The following ITIH6 variants were observed in gnomAD, a reference collection of about 807,000 sequenced individuals.
ITIH6 encodes inter-alpha-trypsin inhibitor heavy chain family member 6.
ITIH6 carries 60 observed loss-of-function variants against 58.2 expected under a neutral mutation model. The ratio of observed to expected loss-of-function variants is 1.03; its 90% CI spans 0.84 to 1.28. The LOEUF (loss-of-function observed/expected upper bound fraction) is 1.28, where lower values mean the gene tolerates loss of function less well. Among genes scored for constraint, ITIH6 ranks in the 50% most tolerant of loss-of-function variants. ITIH6 has a pLI of 0.00. For missense variants in ITIH6, 1,290 were observed against 1,021.1 expected, an observed-to-expected ratio of 1.26 and a Z score of -3.59; for synonymous variants, 493 against 417.4, an observed-to-expected ratio of 1.18 and a Z score of -2.21.
At chrX:54,789,860 T>C (rs1929311230) in intron 4 of ITIH6, among the ~76,000 whole-genome samples, 1 of 112,568 alleles carries the variant, frequency 8.9e-6, no homozygotes, top group Admixed American at 9.4e-5. Flanking sequence ...AGGAATTCTC[T>C]CAAAGTCTCA....
chrX:54,770,506 C>A (rs1028051489), intron 6 of ITIH6, among the ~76,000 whole-genome samples: 5 of 112,607 alleles, frequency 4.4e-5, no homozygotes, highest in African/African-American at 1.3e-4. Context: ...TTAGCATACG[C>A]ATTAGACTTA....
chrX:54,768,658 G>A (rs1211221106), intron 6 of ITIH6, among the ~76,000 whole-genome samples: 1 of 108,259 alleles, frequency 9.2e-6, no homozygotes, highest in African/African-American at 3.4e-5. Flanking sequence ...GGCTGGATAT[G>A]AAATTCTGGG....
At chrX:54,751,663 G>A (rs1484770763) in intron 11 of ITIH6, among the ~76,000 whole-genome samples, 1 of 112,216 alleles carries the variant, frequency 8.9e-6, no homozygotes, top group African/African-American at 3.2e-5. Flanking sequence ...GTTCATATGA[G>A]TAAGTCTGGG....
At chrX:54,793,042 G>C (rs759993277) in intron 2 of ITIH6, among the ~76,000 whole-genome samples, 67 of 110,926 alleles carry the variant, frequency 6.0e-4, no homozygotes, top group Non-Finnish European at 1.0e-3. Context: ...TAGCACCATG[G>C]CCTTAAATAC....
chrX:54,795,365 A>G (rs1929422084), intron 2 of ITIH6, among the ~76,000 whole-genome samples: 1 of 112,575 alleles, frequency 8.9e-6, no homozygotes, highest in African/African-American at 3.2e-5. Flanking sequence ...TTTGCTCAGC[A>G]GTATATTTAT....
intron 6 of ITIH6, among the ~76,000 whole-genome samples, chrX:54,773,069 G>A (rs1188738000): frequency 9.0e-6 from 1 of 111,717 alleles, no homozygotes; most frequent in Non-Finnish European, 1.9e-5. Context: ...GTTGTCTTTG[G>A]TTTTCCCTAG....
intron 4 of ITIH6, among the ~76,000 whole-genome samples, chrX:54,788,906 C>A (rs1389892533): frequency 8.9e-6 from 1 of 112,508 alleles, no homozygotes; most frequent in Non-Finnish European, 1.9e-5. Flanking sequence ...CAGGCCCTGG[C>A]AATGTGGCCC....
intron 5 of ITIH6, among the ~76,000 whole-genome samples, chrX:54,785,749 T>C (rs1302952973): frequency 1.8e-5 from 2 of 111,815 alleles, no homozygotes; most frequent in Non-Finnish European, 3.8e-5. Context: ...AAAATGATTA[T>C]GCTGGTGCAG....
intron 2 of ITIH6, among the ~76,000 whole-genome samples, chrX:54,793,331 A>G (rs1273006754): frequency 9.0e-6 from 1 of 110,643 alleles, no homozygotes; most frequent in African/African-American, 3.3e-5. Context: ...CAAAAAACCA[A>G]TTTCTTACTT....
intron 6 of ITIH6, among the ~76,000 whole-genome samples, chrX:54,766,772 G>A (rs1342443882): frequency 9.9e-6 from 1 of 101,447 alleles, no homozygotes; most frequent in Non-Finnish European, 1.9e-5. Flanking sequence ...TTTTTGATGT[G>A]CTGCTGGATT....
At position 54,774,204 on chromosome X, in the gene ITIH6, CAAA is replaced by C. The variant is rs35679081; in HGVS notation, c.787-10_787-8del. 0.03 allele frequency: 17,002 copies of C among 565,831 alleles called. No individual in the cohort carries two copies. The highest frequency in any genetic ancestry group is 0.034 in the East Asian group (706 of 20,733). The allele number at this position is 565,831 out of a possible 1,213,427, so 46.6% of individuals were successfully genotyped here. ...TGAAATAGTCATCGTAAATCTGGAC[CAAA>C]AAAAAAAAAAAAAAAGTAGAACCAA... On this transcript the variant is annotated splice_region_variant and splice_polypyrimidine_tract_variant and intron_variant, in intron 5 of 12. Transcript: ENST00000218436.
intron 5 of ITIH6, among the ~76,000 whole-genome samples, chrX:54,781,750 G>GT (rs2147616688): frequency 8.9e-6 from 1 of 112,402 alleles, no homozygotes; most frequent in Non-Finnish European, 1.9e-5. Flanking sequence ...TCAAAGGATT[G>GT]TAAGTTTTTC....
intron 6 of ITIH6, among the ~76,000 whole-genome samples, chrX:54,768,891 T>C (rs1204213561): frequency 4.6e-5 from 5 of 108,320 alleles, no homozygotes; most frequent in Non-Finnish European, 7.6e-5. Context: ...ATCTTTGTGG[T>C]GTTCTCTGTA....
At chrX:54,766,859 T>A (rs1928801192) in intron 6 of ITIH6, among the ~76,000 whole-genome samples, 1 of 104,817 alleles carries the variant, frequency 9.5e-6, no homozygotes, top group African/African-American at 3.7e-5. Flanking sequence ...TCTTTTTTGG[T>A]TGTGTCTCTG....
intron 6 of ITIH6, among the ~76,000 whole-genome samples, chrX:54,771,708 T>C (rs941798239): frequency 2.7e-5 from 3 of 111,723 alleles, no homozygotes; most frequent in Non-Finnish European, 3.8e-5. Context: ...AAAGAAGACA[T>C]ACATGTAGAC....
intron 5 of ITIH6, among the ~76,000 whole-genome samples, chrX:54,785,284 T>A (rs1043671564): frequency 2.7e-5 from 3 of 110,625 alleles, no homozygotes; most frequent in African/African-American, 9.9e-5. Context: ...AAATAATGGA[T>A]AAGACTTAGT....
intron 6 of ITIH6, 89 bp downstream of exon 6, chrX:54,773,992 C>A: frequency 3.9e-6 from 2 of 509,065 alleles, no homozygotes; most frequent in Admixed American, 6.7e-5. Flanking sequence ...GGTGGAATCT[C>A]TTCTCCCAGG....
intron 6 of ITIH6, among the ~76,000 whole-genome samples, chrX:54,770,753 A>G (rs1485828109): frequency 1.8e-5 from 2 of 112,509 alleles, no homozygotes; most frequent in Non-Finnish European, 3.8e-5. Flanking sequence ...TCAGTTAATA[A>G]GAAAACTATT....
Position 54,756,999 on chromosome X carries a change from T to A in ITIH6, c.3075A>T (p.Pro1025=), listed in dbSNP as rs372840528. 1.2e-5 allele frequency: 14 copies of A among 1,202,730 alleles called. No individual in the cohort carries two copies. The highest frequency in any genetic ancestry group is 1.6e-5 in the Non-Finnish European group (14 of 890,547). Residue 1025 remains proline, a synonymous_variant, in exon 8 of 13, where the codon CCA becomes CCT. Transcript: ENST00000218436. The part of the protein sequence containing the change: ...ESKFVESLNP[P]AFYTFLTPDE... ...CAGGAGTGAGGAAGGTATAGAAAGC[T>A]GGTGGGTTCAAGGACTCCACGAACT...
Sources: gnomAD v4.1 joint callset for allele counts (sites outside exome capture counted in the v4.1 genomes callset) on GRCh38, gnomAD v4.1.1 for gene constraint, MANE v1.5 for transcripts, NCBI Gene and HGNC (gene_info 2026-07-23, HGNC 2026-07-21) for gene names.